The following XYLB variants were observed in gnomAD, a reference collection of about 807,000 sequenced individuals.
XYLB encodes xylulokinase.
Under a neutral mutation model 78.7 loss-of-function variants are expected in XYLB, and 62 were observed. The observed-to-expected ratio is 0.79, with a 90% CI of 0.64 to 0.97. The LOEUF (loss-of-function observed/expected upper bound fraction) is 0.97. Ranked by LOEUF, XYLB falls within the 50% of genes least tolerant of loss-of-function variation. The pLI, the probability that XYLB is intolerant of heterozygous loss-of-function variation, is 0.00. For synonymous variants in XYLB, 245 were observed against 247.4 expected (o/e 0.99, Z 0.09); for missense variants, 687 against 676.8 (o/e 1.02, Z -0.17).
chr3:38,392,296 A>ATTTTG (rs922558473), intron 15 of XYLB, among the ~76,000 whole-genome samples: 8 of 152,004 alleles, frequency 5.3e-5, no homozygotes, highest in African/African-American at 1.9e-4. Flanking sequence ...ATTAACGATG[A>ATTTTG]TTTTGTTTTG....
chr3:38,407,546 A>C (rs913585467), intron 18 of XYLB, among the ~76,000 whole-genome samples: 6 of 151,458 alleles, frequency 4.0e-5, no homozygotes, highest in African/African-American at 1.4e-4. Flanking sequence ...TTAACTTTAA[A>C]TGTAAATGGA....
intron 18 of XYLB, among the ~76,000 whole-genome samples, chr3:38,402,530 C>T (rs1708160892): frequency 6.6e-6 from 1 of 152,168 alleles, no homozygotes; most frequent in African/African-American, 2.4e-5. Flanking sequence ...GTTCGAGAGG[C>T]CACTCGATAC....
At chr3:38,434,873 G>A in the XYLB span, among the ~76,000 whole-genome samples, 43 of 152,272 alleles carry the variant, frequency 2.8e-4, no homozygotes, top group African/African-American at 8.4e-4. Flanking sequence ...TGGCTCATGC[G>A]TATAATCCCA....
At chr3:38,420,960 G>C (rs546999879), downstream of XYLB, among the ~76,000 whole-genome samples, 27 of 152,360 alleles carry the variant, frequency 1.8e-4, no homozygotes, top group South Asian at 6.2e-4. Flanking sequence ...AGCAGGAAAG[G>C]CCTGTGCCTT....
the XYLB span, among the ~76,000 whole-genome samples, chr3:38,430,115 T>C: frequency 6.6e-6 from 1 of 152,302 alleles, no homozygotes; most frequent in South Asian, 2.1e-4. Flanking sequence ...GCTCTAGATC[T>C]TTGAGGAATC....
the XYLB span, among the ~76,000 whole-genome samples, chr3:38,432,586 A>T: frequency 6.6e-6 from 1 of 152,062 alleles, no homozygotes; most frequent in African/African-American, 2.4e-5. Context: ...TACTTCCTAG[A>T]TACAATAGAG....
At chr3:38,428,024 A>G in the XYLB span, among the ~76,000 whole-genome samples, 1 of 152,128 alleles carries the variant, frequency 6.6e-6, no homozygotes, top group African/African-American at 2.4e-5. Context: ...AAATTTTCAT[A>G]TGTTCTGTTT....
chr3:38,443,159 G>A, the XYLB span, among the ~76,000 whole-genome samples: 3 of 152,264 alleles, frequency 2.0e-5, no homozygotes, highest in East Asian at 1.9e-4. Flanking sequence ...GAGGACAGCC[G>A]ACCAGGGCAG....
intron 2 of XYLB, among the ~76,000 whole-genome samples, chr3:38,354,765 G>A (rs111557951): frequency 0.032 from 4,850 of 151,766 alleles, 114 homozygotes; most frequent in African/African-American, 0.062. Flanking sequence ...CGGCCTCCCA[G>A]GGTGCTGGGA....
At position 38,361,227 on chromosome 3, in the gene XYLB, G is replaced by A. The variant is rs139178296; in HGVS notation, c.210+819G>A. ...GAGAATGCCTGTAGCAGGATCTGGT[G>A]ACCTAGGGGGCCACAGGAGCAGGGA... On this transcript the variant is annotated intron_variant, in intron 3 of 18. Transcript: ENST00000207870. 9.4e-3 allele frequency among the ~76,000 whole-genome samples: 1,437 copies of A among 152,256 alleles called. 13 individuals carry two copies. The highest frequency in any genetic ancestry group is 0.015 in the Non-Finnish European group (1,036 of 68,002).
At chr3:38,397,949 G>A (rs1707948795) in intron 17 of XYLB, among the ~76,000 whole-genome samples, 1 of 150,596 alleles carries the variant, frequency 6.6e-6, no homozygotes, top group African/African-American at 2.4e-5. Context: ...CTCCCGAGTA[G>A]GTGGGACTAC....
intron 17 of XYLB, among the ~76,000 whole-genome samples, chr3:38,399,316 C>G (rs575708490): frequency 6.6e-6 from 1 of 151,904 alleles, no homozygotes; most frequent in African/African-American, 2.4e-5. Context: ...AGGCTGAACT[C>G]GAACTCCTGG....
intron 2 of XYLB, chr3:38,357,024 G>T (rs1337527703): frequency 2.6e-5 from 4 of 152,334 alleles, no homozygotes; most frequent in Admixed American, 1.3e-4. Context: ...ATGCACAGAG[G>T]AAAGGCCTTG....
intron 14 of XYLB, among the ~76,000 whole-genome samples, chr3:38,378,264 C>T (rs1312717390): frequency 6.6e-6 from 1 of 152,216 alleles, no homozygotes; most frequent in African/African-American, 2.4e-5. Flanking sequence ...CTAGATTTGT[C>T]AAGGAGAAAG....
At chr3:38,375,092 C>T (rs1391159699) in intron 11 of XYLB, 52 bp from the exon 12 acceptor site, 6 of 1,449,324 alleles carry the variant, frequency 4.1e-6, no homozygotes, top group East Asian at 2.4e-5. Context: ...TGGCAGAGGG[C>T]AGCGTGTGTG....
chr3:38,409,271 A>G (rs1708470693), intron 18 of XYLB, among the ~76,000 whole-genome samples: 4 of 152,220 alleles, frequency 2.6e-5, no homozygotes, highest in Admixed American at 2.6e-4. Flanking sequence ...TATAAACAGA[A>G]CCAAAGACAA....
chr3:38,430,980 A>G, the XYLB span, among the ~76,000 whole-genome samples: 1 of 152,206 alleles, frequency 6.6e-6, no homozygotes, highest in Non-Finnish European at 1.5e-5. Context: ...GTTTGAAGTC[A>G]GGTAGCATGA....
chr3:38,399,939 T>G (rs958017759), intron 17 of XYLB, among the ~76,000 whole-genome samples: 4 of 152,142 alleles, frequency 2.6e-5, no homozygotes, highest in African/African-American at 9.7e-5. Context: ...AGTCTTTTGA[T>G]TAGTTTCTCT....
At chr3:38,416,631 G>C (rs978594198), downstream of XYLB, among the ~76,000 whole-genome samples, 4 of 151,852 alleles carry the variant, frequency 2.6e-5, no homozygotes, top group African/African-American at 9.7e-5. Flanking sequence ...AAAAGAGATG[G>C]GCAAAAATAG....
Sources: gnomAD v4.1 joint callset for allele counts (sites outside exome capture counted in the v4.1 genomes callset) on GRCh38, gnomAD v4.1.1 for gene constraint, MANE v1.5 for transcripts, NCBI Gene and HGNC (gene_info 2026-07-23, HGNC 2026-07-21) for gene names.